The following PDE3A variants were observed in gnomAD, a reference collection of about 807,000 sequenced individuals.
PDE3A encodes the protein cGMP-inhibited 3',5'-cyclic phosphodiesterase 3A.
Under a neutral mutation model 98.3 loss-of-function variants are expected in PDE3A, and 43 were observed. The observed-to-expected ratio is 0.44, with a 90% CI of 0.34 to 0.56. The LOEUF is 0.56. Ranked by LOEUF, PDE3A falls within the 20% of genes least tolerant of loss-of-function variation. The probability of loss-of-function intolerance (pLI) is 0.01; values close to 1 mark genes in which losing one functional copy is unlikely to be tolerated. For synonymous variants in PDE3A, 663 were observed against 567.9 expected (o/e 1.17, Z -2.38); for missense variants, 1,427 against 1,440.7 (o/e 0.99, Z 0.15).
chr12:20,500,578 A>AT (rs908989783), intron 1 of PDE3A, among the ~76,000 whole-genome samples: 2 of 151,586 alleles, frequency 1.3e-5, no homozygotes, highest in South Asian at 4.2e-4. Context: ...TTTCTTCAGG[A>AT]TTTTTTTTCT....
chr12:20,441,609 C>T (rs1944872260), intron 1 of PDE3A, among the ~76,000 whole-genome samples: 1 of 152,150 alleles, frequency 6.6e-6, no homozygotes, highest in Admixed American at 6.5e-5. Context: ...AGCAGATGAA[C>T]TTGAAACCAG....
At position 20,508,861 on chromosome 12, in the gene PDE3A, C is replaced by CT. The variant is rs200213393; in HGVS notation, c.961-47789dup. ...GGGTTTTTGATTGTTTTCTTCAGTA[C>CT]TTTTTTTTTTAAGCATTAAAAATCC... On this transcript the variant is annotated intron_variant, in intron 1 of 15. Coordinates refer to ENST00000359062, the MANE Select transcript of PDE3A (RefSeq NM_000921.5). 4.7e-3 allele frequency among the ~76,000 whole-genome samples: 681 copies of CT among 146,246 alleles called. 7 individuals carry two copies. Among genetic ancestry groups the CT allele is most frequent in the African/African-American group, 0.011 (456 of 39,970 alleles).
At chr12:20,488,238 T>A (rs1009092738) in intron 1 of PDE3A, among the ~76,000 whole-genome samples, 9 of 152,072 alleles carry the variant, frequency 5.9e-5, no homozygotes, top group Non-Finnish European at 1.2e-4. Flanking sequence ...CCCTTATGCC[T>A]CCAAAATTAG....
At chr12:20,430,209 A>G (rs1423171858) in intron 1 of PDE3A, among the ~76,000 whole-genome samples, 2 of 152,280 alleles carry the variant, frequency 1.3e-5, no homozygotes, top group Middle Eastern at 3.4e-3. Context: ...AAATTAAAAT[A>G]TTTGTGGCTC....
At chr12:20,382,717 AT>A (rs1943684041) in intron 1 of PDE3A, among the ~76,000 whole-genome samples, 1 of 152,150 alleles carries the variant, frequency 6.6e-6, no homozygotes, top group African/African-American at 2.4e-5. Context: ...TACCATAAGA[AT>A]AATATAACTG....
chr12:20,676,491 T>C (rs1945642268), intron 15 of PDE3A, among the ~76,000 whole-genome samples: 1 of 136,132 alleles, frequency 7.3e-6, no homozygotes, highest in Admixed American at 9.1e-5. Flanking sequence ...ACTCTCTATG[T>C]CTTTGACTTT....
At chr12:20,553,322 G>A (rs549456895) in intron 1 of PDE3A, among the ~76,000 whole-genome samples, 2 of 99,504 alleles carry the variant, frequency 2.0e-5, no homozygotes, top group East Asian at 5.5e-4. Flanking sequence ...TACGTGGTGT[G>A]GAGGCTGTTG....
chr12:20,458,451 G>C (rs547751060), intron 1 of PDE3A, among the ~76,000 whole-genome samples: 1 of 151,856 alleles, frequency 6.6e-6, no homozygotes, highest in Non-Finnish European at 1.5e-5. Flanking sequence ...AGTGTGCTGG[G>C]TTACATTTTA....
At chr12:20,640,714 A>T (rs1177884286) in intron 10 of PDE3A, among the ~76,000 whole-genome samples, 1 of 152,106 alleles carries the variant, frequency 6.6e-6, no homozygotes, top group African/African-American at 2.4e-5. Context: ...CGATTATAAC[A>T]CATAAGTAAA....
intron 1 of PDE3A, among the ~76,000 whole-genome samples, chr12:20,411,893 T>G (rs2120712413): frequency 6.6e-6 from 1 of 152,322 alleles, no homozygotes; most frequent in East Asian, 1.9e-4. Context: ...TAAATTTATA[T>G]TCCACCATTG....
At chr12:20,371,419 C>T in intron 1 of PDE3A, 4 of 981,676 alleles carry the variant, frequency 4.1e-6, no homozygotes, top group Non-Finnish European at 4.8e-6. Context: ...TAAATTAATG[C>T]CTACCTGTGG....
chr12:20,450,387 A>C (rs993315260), intron 1 of PDE3A, among the ~76,000 whole-genome samples: 8 of 152,206 alleles, frequency 5.3e-5, no homozygotes, highest in African/African-American at 1.9e-4. Flanking sequence ...AGGTTGTAAA[A>C]GAGACAGTGC....
intron 1 of PDE3A, chr12:20,371,334 T>C (rs1943471226): frequency 4.1e-6 from 4 of 984,854 alleles, no homozygotes; most frequent in Non-Finnish European, 4.8e-6. Flanking sequence ...ACCTCTCTAT[T>C]TGAAGTGGAT....
chr12:20,437,897 T>A (rs1279769720), intron 1 of PDE3A, among the ~76,000 whole-genome samples: 2 of 152,204 alleles, frequency 1.3e-5, no homozygotes, highest in Non-Finnish European at 2.9e-5. Context: ...ATGAACTAAA[T>A]TGAGGGTTGT....
chr12:20,529,614 A>G (rs1351168995), intron 1 of PDE3A, among the ~76,000 whole-genome samples: 1 of 152,092 alleles, frequency 6.6e-6, no homozygotes, highest in African/African-American at 2.4e-5. Context: ...CTAATGATGC[A>G]TCTACAAGCC....
chr12:20,680,943 T>C lies in PDE3A; in HGVS notation c.*672T>C, dbSNP rs1390298103. 6.6e-6 allele frequency: 1 copy of C among 151,958 alleles called. No homozygotes were observed. Among genetic ancestry groups the C allele is most frequent in the African/African-American group, 2.4e-5 (1 of 41,300 alleles). The allele number at this position is 151,958 out of a possible 1,614,324, so 9.4% of individuals were successfully genotyped here. ...GTGTGCATATGTAAAGAGATTTTTG[T>C]GGTTTAAGTAACTCAGAATAGCTGT... On this transcript the variant is annotated 3_prime_UTR_variant, in exon 16 of 16. Coordinates refer to ENST00000359062, the MANE Select transcript of PDE3A (RefSeq NM_000921.5).
chr12:20,395,886 A>T (rs1944008308), intron 1 of PDE3A, among the ~76,000 whole-genome samples: 1 of 151,830 alleles, frequency 6.6e-6, no homozygotes. Context: ...AAAATTTTTT[A>T]TTCTTTTATT....
At chr12:20,402,800 T>C (rs11045221) in intron 1 of PDE3A, among the ~76,000 whole-genome samples, 9,610 of 152,210 alleles carry the variant, frequency 0.063, 934 homozygotes, top group African/African-American at 0.2. Flanking sequence ...ATCCTAGTTG[T>C]ACAAGAATAA....
intron 1 of PDE3A, among the ~76,000 whole-genome samples, chr12:20,420,376 G>A (rs1396255453): frequency 2.0e-5 from 3 of 152,090 alleles, no homozygotes; most frequent in East Asian, 3.9e-4. Flanking sequence ...GCTTACCTCC[G>A]AGTTTTATGT....
Sources: allele counts gnomAD v4.1 joint callset (sites outside exome capture counted in the v4.1 genomes callset), GRCh38; gene constraint gnomAD v4.1.1; transcripts MANE v1.5; gene names NCBI Gene and HGNC (gene_info 2026-07-23, HGNC 2026-07-21).